The following PRDM2 variants were observed in gnomAD, a reference collection of about 807,000 sequenced individuals.
PRDM2 encodes the protein PR domain zinc finger protein 2.
In PRDM2, 30 loss-of-function variants were observed where a neutral mutation model predicts 130.0. The ratio of observed to expected loss-of-function variants is 0.23; its 90% CI spans 0.17 to 0.31. The LOEUF (loss-of-function observed/expected upper bound fraction) is 0.31, where lower values mean the gene tolerates loss of function less well. Ranked by LOEUF, PRDM2 falls within the 10% of genes least tolerant of loss-of-function variation. The pLI is 1.00. For missense variants in PRDM2, 2,011 were observed against 2,108.4 expected (o/e 0.95, Z 0.90); for synonymous variants, 871 against 782.4 (o/e 1.11, Z -1.89).
At chr1:13,723,958 C>A (rs1276723281) in intron 2 of PRDM2, among the ~76,000 whole-genome samples, 1 of 152,204 alleles carries the variant, frequency 6.6e-6, no homozygotes, top group Non-Finnish European at 1.5e-5. Context: ...ATTAACCAAG[C>A]CAACCAGGAA....
chr1:13,740,209 A>G (rs926465962), intron 4 of PRDM2, among the ~76,000 whole-genome samples: 1 of 152,186 alleles, frequency 6.6e-6, no homozygotes, highest in African/African-American at 2.4e-5. Flanking sequence ...GGCACAACCT[A>G]TATTTTTATC....
At chr1:13,787,131 T>C (rs1472397469) in intron 8 of PRDM2, 1 of 985,522 alleles carries the variant, frequency 1.0e-6, no homozygotes, top group Non-Finnish European at 1.2e-6. Context: ...GGATATGGAC[T>C]CTTTTTTATG....
At chr1:13,794,116 G>A (rs1358693123) in intron 8 of PRDM2, among the ~76,000 whole-genome samples, 1 of 152,230 alleles carries the variant, frequency 6.6e-6, no homozygotes, top group African/African-American at 2.4e-5. Flanking sequence ...AGAAGAGATG[G>A]TGAGGTGCAG....
At chr1:13,747,954 A>G (rs1643665239) in intron 5 of PRDM2, among the ~76,000 whole-genome samples, 1 of 152,150 alleles carries the variant, frequency 6.6e-6, no homozygotes, top group Non-Finnish European at 1.5e-5. Flanking sequence ...ACGTTTCCAC[A>G]TTCAGTTGTT....
intron 1 of PRDM2, among the ~76,000 whole-genome samples, chr1:13,702,175 CAT>C (rs1009906268): frequency 3.3e-5 from 5 of 151,844 alleles, no homozygotes; most frequent in African/African-American, 4.8e-5. Context: ...AGTTCATTCA[CAT>C]ATATATATAT....
At chr1:13,751,859 C>G (rs1643853581) in intron 6 of PRDM2, among the ~76,000 whole-genome samples, 1 of 152,110 alleles carries the variant, frequency 6.6e-6, no homozygotes, top group Non-Finnish European at 1.5e-5. Flanking sequence ...TTCATCAGAT[C>G]GCTGGTGGAT....
rs1644943801 is a variant in PRDM2, at chr1:13,797,711, T to C, written c.5036+14880T>C. Among the ~76,000 whole-genome samples, 3 of 152,318 alleles carry C rather than the reference T, an allele frequency of 2.0e-5. No individual in the cohort carries two copies. In the South Asian group the frequency reaches 6.2e-4, roughly 32 times the overall value. On this transcript the variant is annotated intron_variant, in intron 8 of 9. Coordinates refer to ENST00000311066, the MANE Select transcript of PRDM2 (RefSeq NM_001393986.1). Reference sequence around the variant, plus strand: ...TCATCTCCCCAGGATGTTTGCTCAGTGGACCACCTACATTAAAAAATCACC... The same window carrying C: ...TCATCTCCCCAGGATGTTTGCTCAGCGGACCACCTACATTAAAAAATCACC...
Position 13,780,516 on chromosome 1 carries a change from A to G in PRDM2, c.2721A>G (p.Ala907=). The change falls in exon 8 of 10, where the codon GCA becomes GCG. Residue 907 remains alanine (A), a synonymous_variant. Transcript: ENST00000311066. The part of the protein sequence containing the change: ...NGIDLPVENP[A]DGTRSPSPCK... ...TCGATTTACCTGTAGAAAACCCTGC[A>G]GATGGGACCAGGAGCCCAAGTCCTT... 1.2e-6 allele frequency: 2 copies of G among 1,614,228 alleles called. No individual in the cohort carries two copies. Among genetic ancestry groups the G allele is most frequent in the Non-Finnish European group, 1.7e-6 (2 of 1,180,046 alleles).
chr1:13,811,080 AGG>A (rs1557675847), intron 8 of PRDM2, among the ~76,000 whole-genome samples: 1 of 151,744 alleles, frequency 6.6e-6, no homozygotes, highest in African/African-American at 2.4e-5. Flanking sequence ...GGTACTCAGG[AGG>A]CTGAGGCGGG....
In PRDM2 at chr1:13,778,467, G is replaced by C; in HGVS notation, c.672G>C (p.Pro224=). Residue 224 remains proline, a synonymous_variant, in exon 8 of 10, where the codon CCG becomes CCC. Coordinates refer to ENST00000311066, the MANE Select transcript of PRDM2 (RefSeq NM_001393986.1). ...EKPSASALEQ[P]ATLQEVASQE... is the part of the protein sequence containing the mutation. ...CTTCAGCCTCAGCACTTGAGCAGCC[G>C]GCCACCCTCCAGGAGGTGGCCAGTC... 6.2e-7 allele frequency: 1 copy of C among 1,613,908 alleles called. No homozygotes were observed. Among genetic ancestry groups the C allele is most frequent in the African/African-American group, 1.3e-5 (1 of 75,012 alleles).
At chr1:13,756,730 C>T (rs576460632) in intron 6 of PRDM2, among the ~76,000 whole-genome samples, 6 of 152,300 alleles carry the variant, frequency 3.9e-5, no homozygotes, top group African/African-American at 1.4e-4. Context: ...CACTTATTTG[C>T]ACATCATGTC....
At chr1:13,787,705 T>C in intron 8 of PRDM2, 1 of 984,788 alleles carries the variant, frequency 1.0e-6, no homozygotes, top group Non-Finnish European at 1.2e-6. Context: ...GATTTACATT[T>C]CACTTTTTTT....
rs1220375693 is a variant in PRDM2 at position 13,781,652 on chromosome 1, A to G, written c.3857A>G (p.Asp1286Gly). ...TCTGGAATAAAGACAAAAGATCCAG[A>G]TGTTCGATTGGGCCTCAATCAGCAT... ...MASGIKTKDP[D>G]VRLGLNQHYP... The change falls in exon 8 of 10, where the codon GAT becomes GGT. Residue 1286 changes from aspartate to glycine, a missense_variant. Physicochemically the swap from Asp to Gly is moderately conservative, Grantham distance 94. Around this residue, in one of 5 missense-constraint regions of PRDM2, gnomAD observed 229 missense variants for 364.1 expected, o/e 0.63. Transcript: ENST00000311066. The surrounding 1 kb of genome is among the most constrained non-coding windows in gnomAD (Gnocchi z 6.1). 5.6e-6 allele frequency: 9 copies of G among 1,613,910 alleles called. No homozygotes were observed. The East Asian group carries it at 1.3e-4, about 24-fold the overall frequency.
At position 13,713,065 on chromosome 1, in the gene PRDM2, G is replaced by A. The variant is rs115413317; in HGVS notation, c.-65-2476G>A. Among the ~76,000 whole-genome samples the A allele has an allele frequency of 5.3e-3, 803 of 152,206 alleles. 5 individuals are homozygous for A. Among genetic ancestry groups the A allele is most frequent in the Non-Finnish European group, 5.7e-3 (387 of 68,008 alleles). On this transcript the variant is annotated intron_variant, in intron 1 of 9. Transcript: ENST00000311066. ...CCCATACTTTCCTGGTTTGAAGCTC[G>A]TCCCTTTCCTGGCTTTTATGTAGAC...
intron 8 of PRDM2, among the ~76,000 whole-genome samples, chr1:13,815,704 A>T (rs1645245860): frequency 6.6e-6 from 1 of 152,162 alleles, no homozygotes; most frequent in African/African-American, 2.4e-5. Flanking sequence ...TTTTAAATAA[A>T]TTTTTTAAAA....
intron 8 of PRDM2, among the ~76,000 whole-genome samples, chr1:13,793,231 G>A (rs1464022287): frequency 1.3e-5 from 2 of 152,214 alleles, no homozygotes; most frequent in South Asian, 2.1e-4. Context: ...GGAGCTCTGT[G>A]CCCCCCACCT....
At chr1:13,706,878 T>G (rs1429512676) in intron 1 of PRDM2, among the ~76,000 whole-genome samples, 1 of 152,114 alleles carries the variant, frequency 6.6e-6, no homozygotes, top group African/African-American at 2.4e-5. Context: ...ATTGCCATTA[T>G]TTTTAAATGT....
chr1:13,705,095 C>T (rs774200670), intron 1 of PRDM2: 2 of 152,060 alleles, frequency 1.3e-5, no homozygotes, highest in East Asian at 1.9e-4. Context: ...TTTAATGGAG[C>T]CCTACCTCAA....
intron 6 of PRDM2, among the ~76,000 whole-genome samples, chr1:13,754,644 C>G (rs2463872): frequency 0.026 from 3,919 of 152,356 alleles, 73 homozygotes; most frequent in Middle Eastern, 0.041. Flanking sequence ...GGAGTTTGAT[C>G]TCCTAACCTT....
Sources: allele counts gnomAD v4.1 joint callset (sites outside exome capture counted in the v4.1 genomes callset), GRCh38; gene constraint gnomAD v4.1.1; regional missense constraint gnomAD v4.1.1; non-coding constraint Gnocchi (gnomAD v3.1); transcripts MANE v1.5; gene names NCBI Gene and HGNC (gene_info 2026-07-23, HGNC 2026-07-21).